Variants in NUBP1 observed in about 807,000 individuals in gnomAD.
The protein encoded by NUBP1 is cytosolic Fe-S cluster assembly factor NUBP1.
A neutral mutation model predicts 41.8 loss-of-function variants in NUBP1; 46 were observed. That is an observed-to-expected ratio of 1.10 (90% CI 0.87 to 1.41). NUBP1 has a LOEUF of 1.41. NUBP1 is among the 40% of genes most tolerant of loss of function. NUBP1 has a pLI of 0.00. For missense variants in NUBP1, 494 were observed against 414.0 expected, an observed-to-expected ratio of 1.19 and a Z score of -1.68; for synonymous variants, 189 against 154.6, an observed-to-expected ratio of 1.22 and a Z score of -1.65.
At position 10,743,849 on chromosome 16, in the gene NUBP1, G is replaced by C; in HGVS notation, c.-15G>C. 1 of 1,560,102 alleles carries C rather than the reference G, an allele frequency of 6.4e-7. No individual in the cohort carries two copies. The highest frequency in any genetic ancestry group is 1.2e-5 in the South Asian group (1 of 84,582). ...AGCGGGTTCCGGTGACCACGAAGGCGGCAAAGGCGACGGAATGGAGGAGGT... is the reference window on the plus strand; with the variant it reads ...AGCGGGTTCCGGTGACCACGAAGGCCGCAAAGGCGACGGAATGGAGGAGGT... On this transcript the variant is annotated 5_prime_UTR_variant, in exon 1 of 11. Coordinates refer to ENST00000283027, the MANE Select transcript of NUBP1 (RefSeq NM_002484.4).
chr16:10,767,246 CT>C lies in NUBP1; in HGVS notation c.821-702del, dbSNP rs2031021016. On this transcript the variant is annotated intron_variant, in intron 9 of 10. Coordinates refer to ENST00000283027, the MANE Select transcript of NUBP1 (RefSeq NM_002484.4). The surrounding 1 kb of genome is among the most constrained non-coding windows in gnomAD (Gnocchi z 4.6). ...GAGGCGAGAACACCCCCATTGACCC[CT>C]AGCCCCTTGTGTCCTGTCCACCTGG... The C allele has an allele frequency of 2.5e-6, 1 of 399,740 alleles. No individual in the cohort carries two copies. Among genetic ancestry groups the C allele is most frequent in the Non-Finnish European group, 4.4e-6 (1 of 227,088 alleles). The allele number at this position is 399,740 out of a possible 1,614,324, so 24.8% of individuals were successfully genotyped here. A position where few individuals can be genotyped will look rare whatever the true frequency, so the allele number is the denominator to read the frequency against.
intron 3 of NUBP1, among the ~76,000 whole-genome samples, chr16:10,750,588 G>A (rs1246043840): frequency 6.6e-6 from 1 of 152,204 alleles, no homozygotes; most frequent in African/African-American, 2.4e-5. Context: ...AAGGCAAACT[G>A]TCATAACAAG....
chr16:10,744,172 C>G, intron 2 of NUBP1, 107 bp downstream of exon 2: 2 of 1,080,800 alleles, frequency 1.9e-6, no homozygotes, highest in Non-Finnish European at 2.6e-6. Flanking sequence ...CAGCGGCAGG[C>G]TAGAAGGTAT....
At chr16:10,756,585 G>A (rs1900571933) in intron 5 of NUBP1, 105 bp from the exon 6 acceptor site, 1 of 732,916 alleles carries the variant, frequency 1.4e-6, no homozygotes, top group African/African-American at 1.9e-5. Context: ...GTTTTGTCCT[G>A]AAAATGTTTT....
At chr16:10,756,456 G>A (rs751420325) in intron 5 of NUBP1, among the ~76,000 whole-genome samples, 9 of 150,860 alleles carry the variant, frequency 6.0e-5, no homozygotes, top group African/African-American at 1.9e-4. Context: ...TGTCATTGCC[G>A]TCACTGCAGC....
Position 10,761,031 on chromosome 16 carries a change from G to A in NUBP1, c.607-333G>A, listed in dbSNP as rs1596463322. 3 of 221,734 alleles carry A rather than the reference G, an allele frequency of 1.4e-5. No homozygotes were observed. The East Asian group carries it at 3.5e-4, about 26-fold the overall frequency. The allele number at this position is 221,734 out of a possible 1,614,324, so 13.7% of individuals were successfully genotyped here. ...GCACATGTTACACAGTGGCAGCAGT[G>A]AGAGAGAGAGTGTGTAGGAGGAACT... On this transcript the variant is annotated intron_variant, in intron 7 of 10. Coordinates refer to ENST00000283027, the MANE Select transcript of NUBP1 (RefSeq NM_002484.4).
intron 9 of NUBP1, among the ~76,000 whole-genome samples, chr16:10,764,193 C>T (rs966424818): frequency 1.3e-5 from 2 of 152,252 alleles, no homozygotes; most frequent in African/African-American, 2.4e-5. Context: ...CATCCCAGCC[C>T]GAAGGAGCGT....
chr16:10,745,344 G>A lies in NUBP1; in HGVS notation c.124+1279G>A, dbSNP rs566986719. ...TTAGCCAGCATGGTGGTGCATGCCC[G>A]CCCTCGAGGCTGAGGTGGGAGGATC... On this transcript the variant is annotated intron_variant, in intron 2 of 10. Transcript: ENST00000283027. Among the ~76,000 whole-genome samples, 7 of 152,150 alleles carry A rather than the reference G, an allele frequency of 4.6e-5. No individual in the cohort carries two copies. In the South Asian group the frequency reaches 6.2e-4, roughly 14 times the overall value.
In NUBP1 at chr16:10,769,180, C is replaced by G. The variant is rs1166556649; in HGVS notation, c.*75C>G. ...GGCAGCACATCCAGCCAGACCCGAC[C>G]AGCTCCGGGATGGGGTGGGTCACAG... On this transcript the variant is annotated 3_prime_UTR_variant, in exon 11 of 11. Coordinates refer to ENST00000283027, the MANE Select transcript of NUBP1 (RefSeq NM_002484.4). The G allele has an allele frequency of 1.4e-6, 2 of 1,403,666 alleles. No individual in the cohort carries two copies. The highest frequency in any genetic ancestry group is 1.4e-5 in the African/African-American group (1 of 70,048). The allele number at this position is 1,403,666 out of a possible 1,614,324, so 87.0% of individuals were successfully genotyped here. A position where few individuals can be genotyped will look rare whatever the true frequency, so the allele number is the denominator to read the frequency against.
Position 10,759,736 on chromosome 16 carries a change from A to G in NUBP1, c.607-1628A>G, listed in dbSNP as rs1900811557. Reference sequence around the variant, plus strand: ...GGTTGCAGTGAGCCGAGATCGCGCCACTGCACTCCAGCCTGGGCGACAGAG... The same window carrying G: ...GGTTGCAGTGAGCCGAGATCGCGCCGCTGCACTCCAGCCTGGGCGACAGAG... On this transcript the variant is annotated intron_variant, in intron 7 of 10. Transcript: ENST00000283027. This position sits in a 1 kb window ranked among gnomAD's most constrained non-coding sequence, Gnocchi z 4.7. Among the ~76,000 whole-genome samples the G allele has an allele frequency of 6.6e-6, 1 of 152,206 alleles. No individual in the cohort carries two copies. Among genetic ancestry groups the G allele is most frequent in the Non-Finnish European group, 1.5e-5 (1 of 68,038 alleles).
intron 3 of NUBP1, among the ~76,000 whole-genome samples, chr16:10,750,199 A>G (rs1567254971): frequency 6.6e-6 from 1 of 152,298 alleles, no homozygotes; most frequent in East Asian, 1.9e-4. Context: ...CTCTACCTCA[A>G]AAACAATGAA....
rs780964824 is a variant in NUBP1, at chr16:10,747,133, T to C, written c.125-10T>C. The C allele has an allele frequency of 3.7e-6, 6 of 1,613,770 alleles. No individual in the cohort carries two copies. Among genetic ancestry groups the C allele is most frequent in the Admixed American group, 1.7e-5 (1 of 59,982 alleles). On this transcript the variant is annotated splice_polypyrimidine_tract_variant and intron_variant, in intron 2 of 10. Transcript: ENST00000283027. ...GGACCTCATCCCCTGAACTTTGGTT[T>C]TCTTTGCAGCTATAGAGGAAATCAA...
chr16:10,758,108 T>C, intron 7 of NUBP1, 81 bp downstream of exon 7: 1 of 1,502,934 alleles, frequency 6.7e-7, no homozygotes, highest in Non-Finnish European at 9.1e-7. Context: ...TCTGATACTC[T>C]GGTCTCACCA....
At chr16:10,762,767 C>G (rs114972618) in intron 9 of NUBP1, among the ~76,000 whole-genome samples, 1 of 146,908 alleles carries the variant, frequency 6.8e-6, no homozygotes, top group Non-Finnish European at 1.5e-5. Flanking sequence ...AGAGAGGGGC[C>G]GGGCGGGTGA....
rs1900368517 is a variant in NUBP1 at position 10,752,584 on chromosome 16, C to T, written c.259-26C>T. 5.0e-6 allele frequency: 8 copies of T among 1,601,474 alleles called. No individual in the cohort carries two copies. The South Asian group carries it at 5.5e-5, about 11-fold the overall frequency. ...GGAGTGTGTGCATTCAGTTATATAA[C>T]CGCTTTGGTCTCTTCTTGTCCCCAG... On this transcript the variant is annotated intron_variant, in intron 3 of 10. Coordinates refer to ENST00000283027, the MANE Select transcript of NUBP1 (RefSeq NM_002484.4).
At position 10,769,042 on chromosome 16, in the gene NUBP1, T is replaced by A; in HGVS notation, c.905-5T>A. On this transcript the variant is annotated splice_polypyrimidine_tract_variant and splice_region_variant and intron_variant, in intron 10 of 10. Coordinates refer to ENST00000283027, the MANE Select transcript of NUBP1 (RefSeq NM_002484.4). ...GCACTCTATGCCTGTCGTCTTGTTT[T>A]CCAGGAATCCAAGAGTTTTGTAATC... 1 of 1,614,044 alleles carries A rather than the reference T, an allele frequency of 6.2e-7. No homozygotes were observed. The highest frequency in any genetic ancestry group is 1.1e-5 in the South Asian group (1 of 91,082).
Position 10,757,956 on chromosome 16 carries a change from G to C in NUBP1, c.535G>C (p.Glu179Gln). ...GGACACCCCACCTGGGACGTCGGAT[G>C]AACACCTCTCGGTCGTCCGGTACCT... Reference protein sequence around the residue: ...IVDTPPGTSDEHLSVVRYLAT... With the variant: ...IVDTPPGTSDQHLSVVRYLAT... Residue 179 changes from glutamate (E) to glutamine (Q), a missense_variant, in exon 7 of 11, where the codon GAA (glutamate) becomes CAA (glutamine). Glu to Gln is a conservative substitution (Grantham distance 29). Coordinates refer to ENST00000283027, the MANE Select transcript of NUBP1 (RefSeq NM_002484.4). This position sits in a 1 kb window ranked among gnomAD's most constrained non-coding sequence, Gnocchi z 4.1. The C allele has an allele frequency of 6.2e-7, 1 of 1,614,124 alleles. No individual in the cohort carries two copies. The highest frequency in any genetic ancestry group is 8.5e-7 in the Non-Finnish European group (1 of 1,180,022).
intron 9 of NUBP1, among the ~76,000 whole-genome samples, chr16:10,763,170 C>T (rs574788729): frequency 8.5e-5 from 13 of 152,118 alleles, no homozygotes; most frequent in Admixed American, 3.9e-4. Context: ...TGGGGTGCTG[C>T]GGCTAAGGGG....
intron 2 of NUBP1, among the ~76,000 whole-genome samples, chr16:10,745,648 G>T (rs974175264): frequency 6.6e-6 from 1 of 152,184 alleles, no homozygotes; most frequent in African/African-American, 2.4e-5. Context: ...TTCATTAAAA[G>T]GGGAAAAAGC....
Sources: allele counts gnomAD v4.1 joint callset (sites outside exome capture counted in the v4.1 genomes callset), GRCh38; gene constraint gnomAD v4.1.1; non-coding constraint Gnocchi (gnomAD v3.1); transcripts MANE v1.5; gene names NCBI Gene and HGNC (gene_info 2026-07-23, HGNC 2026-07-21).